The following OXR1 variants were observed in gnomAD, a reference collection of about 807,000 sequenced individuals.
OXR1 encodes the protein oxidation resistance protein 1.
A neutral mutation model predicts 104.6 loss-of-function variants in OXR1; 41 were observed. That is an observed-to-expected ratio of 0.39 (90% CI 0.31 to 0.51). The LOEUF (loss-of-function observed/expected upper bound fraction) is 0.51. Ranked by LOEUF, OXR1 falls within the 20% of genes least tolerant of loss-of-function variation. The pLI, the probability that OXR1 is intolerant of heterozygous loss-of-function variation, is 0.77. For missense variants in OXR1, 955 were observed against 1,031.9 expected (o/e 0.93, Z 1.02); for synonymous variants, 348 against 348.4 (o/e 1.00, Z 0.01).
intron 2 of OXR1, among the ~76,000 whole-genome samples, chr8:106,391,543 A>G (rs1454366792): frequency 6.6e-6 from 1 of 152,186 alleles, no homozygotes; most frequent in Non-Finnish European, 1.5e-5. Flanking sequence ...ATAAAGACAC[A>G]TGCTCCATTT....
At chr8:106,507,714 A>G (rs560586910) in intron 2 of OXR1, among the ~76,000 whole-genome samples, 1 of 152,358 alleles carries the variant, frequency 6.6e-6, no homozygotes, top group South Asian at 2.1e-4. Flanking sequence ...GGCAGGAATA[A>G]GTGAGCAGGG....
At chr8:106,289,179 T>C (rs1351569248) in intron 1 of OXR1, among the ~76,000 whole-genome samples, 1 of 152,098 alleles carries the variant, frequency 6.6e-6, no homozygotes, top group Non-Finnish European at 1.5e-5. Context: ...GCCAAAGCAA[T>C]CAGGCAAGAG....
At chr8:106,665,050 A>C (rs1374592668) in intron 3 of OXR1, among the ~76,000 whole-genome samples, 1 of 152,242 alleles carries the variant, frequency 6.6e-6, no homozygotes, top group East Asian at 1.9e-4. Flanking sequence ...AATGTGAACT[A>C]TGCAAACATT....
Position 106,740,339 on chromosome 8 carries a change from A to G in OXR1, c.2164-4A>G. ...AGTAAATACTAACACTTTGTTTTCT[A>G]AAGCTTACCAAGCATCTTCCACCAA... On this transcript the variant is annotated splice_polypyrimidine_tract_variant and splice_region_variant and intron_variant, in intron 13 of 16. Transcript: ENST00000517566. 1 of 1,607,974 alleles carries G rather than the reference A, an allele frequency of 6.2e-7. No homozygotes were observed. The highest frequency in any genetic ancestry group is 8.5e-7 in the Non-Finnish European group (1 of 1,177,402).
Position 106,594,439 on chromosome 8 carries a change from T to C in OXR1, c.220+75300T>C, listed in dbSNP as rs149857040. Among the ~76,000 whole-genome samples the C allele has an allele frequency of 3.9e-3, 590 of 152,310 alleles. 5 individuals carry two copies. The highest frequency in any genetic ancestry group is 0.013 in the African/African-American group (553 of 41,570). On this transcript the variant is annotated intron_variant, in intron 3 of 16. Transcript: ENST00000517566. Reference sequence around the variant, plus strand: ...GCTGGGGATAGTCCTCTTTGTTACATGCAAGACTGGAAGAATCATGTCAGA... The same window carrying C: ...GCTGGGGATAGTCCTCTTTGTTACACGCAAGACTGGAAGAATCATGTCAGA...
At chr8:106,437,968 A>T (rs1216814007) in intron 2 of OXR1, among the ~76,000 whole-genome samples, 3 of 152,152 alleles carry the variant, frequency 2.0e-5, no homozygotes, top group African/African-American at 7.2e-5. Flanking sequence ...GGGGGCTTAT[A>T]CACTAGCTGG....
At chr8:106,606,520 C>T (rs1820411526) in intron 3 of OXR1, among the ~76,000 whole-genome samples, 1 of 145,418 alleles carries the variant, frequency 6.9e-6, no homozygotes, top group African/African-American at 2.6e-5. Context: ...CCATTTTGGT[C>T]AGGCTGGTAC....
At chr8:106,519,596 C>G (rs1813112446) in intron 3 of OXR1, among the ~76,000 whole-genome samples, 1 of 152,144 alleles carries the variant, frequency 6.6e-6, no homozygotes, top group African/African-American at 2.4e-5. Context: ...TAGCCTGTAA[C>G]TAACAAAGCC....
intron 2 of OXR1, among the ~76,000 whole-genome samples, chr8:106,426,996 T>C (rs890902426): frequency 1.3e-5 from 2 of 152,114 alleles, no homozygotes; most frequent in Non-Finnish European, 2.9e-5. Flanking sequence ...AGATATTTCC[T>C]CCCATTGATT....
chr8:106,377,270 A>T (rs1816946217), intron 2 of OXR1, among the ~76,000 whole-genome samples: 1 of 152,032 alleles, frequency 6.6e-6, no homozygotes, highest in South Asian at 2.1e-4. Context: ...TCTAACCTGA[A>T]TTCCTGAGCC....
chr8:106,622,476 C>CAT (rs907879706), intron 3 of OXR1, among the ~76,000 whole-genome samples: 2 of 150,808 alleles, frequency 1.3e-5, no homozygotes, highest in African/African-American at 4.9e-5. Flanking sequence ...CACACACACA[C>CAT]ACACACACAC....
intron 3 of OXR1, among the ~76,000 whole-genome samples, chr8:106,607,716 C>T (rs1820505500): frequency 6.6e-6 from 1 of 152,222 alleles, no homozygotes; most frequent in Non-Finnish European, 1.5e-5. Context: ...ATATGCCAGA[C>T]ATTGTGCTTA....
chr8:106,581,174 T>C (rs979787360), intron 3 of OXR1: 1 of 1,277,238 alleles, frequency 7.8e-7, no homozygotes, highest in East Asian at 5.6e-5. Context: ...CAAGAACATT[T>C]GAAAGAGAAC....
At chr8:106,329,335 T>A (rs2130215718) in intron 1 of OXR1, among the ~76,000 whole-genome samples, 1 of 150,178 alleles carries the variant, frequency 6.7e-6, no homozygotes, top group South Asian at 2.1e-4. Context: ...CTCATCTGTG[T>A]AATACTCATT....
intron 2 of OXR1, among the ~76,000 whole-genome samples, chr8:106,373,181 G>C (rs1208058363): frequency 6.6e-6 from 1 of 152,094 alleles, no homozygotes; most frequent in Non-Finnish European, 1.5e-5. Context: ...TTTATACCTG[G>C]AACTTGAGTA....
chr8:106,646,956 C>T (rs996800515), intron 3 of OXR1, among the ~76,000 whole-genome samples: 8 of 152,198 alleles, frequency 5.3e-5, no homozygotes, highest in Admixed American at 1.3e-4. Flanking sequence ...GATCCAAAAG[C>T]TCCAGAAGCT....
chr8:106,669,046 A>C (rs535371053), intron 3 of OXR1, among the ~76,000 whole-genome samples: 49 of 152,192 alleles, frequency 3.2e-4, no homozygotes, highest in Non-Finnish European at 4.8e-4. Flanking sequence ...CTTTTCACTT[A>C]GAAGAGAGCC....
chr8:106,413,773 G>C (rs1352451039), intron 2 of OXR1, among the ~76,000 whole-genome samples: 1 of 151,130 alleles, frequency 6.6e-6, no homozygotes, highest in African/African-American at 2.4e-5. Flanking sequence ...ACCCAGGCTG[G>C]AGTGCAGTAG....
At chr8:106,405,187 T>C (rs1818181067) in intron 2 of OXR1, among the ~76,000 whole-genome samples, 2 of 12,702 alleles carry the variant, frequency 1.6e-4, no homozygotes, top group African/African-American at 8.1e-4. Context: ...TATATATATA[T>C]ATATATATAT....
Sources: allele counts gnomAD v4.1 joint callset (sites outside exome capture counted in the v4.1 genomes callset), GRCh38; gene constraint gnomAD v4.1.1; transcripts MANE v1.5; gene names NCBI Gene and HGNC (gene_info 2026-07-23, HGNC 2026-07-21).